Variants in ANK1 observed in about 807,000 individuals in gnomAD.
ANK1 encodes the protein ankyrin-1.
Under a neutral mutation model 210.4 loss-of-function variants are expected in ANK1, and 51 were observed. The ratio of observed to expected loss-of-function variants is 0.24; its 90% CI spans 0.19 to 0.31. The LOEUF is 0.31. Ranked by LOEUF, ANK1 falls within the 10% of genes least tolerant of loss-of-function variation. The pLI is 1.00. For synonymous variants in ANK1, 967 were observed against 1,025.9 expected, an observed-to-expected ratio of 0.94 and a Z score of 1.10; for missense variants, 2,051 against 2,504.4, an observed-to-expected ratio of 0.82 and a Z score of 3.86.
chr8:41,862,239 C>A (rs1166325630), intron 1 of ANK1, among the ~76,000 whole-genome samples: 1 of 152,172 alleles, frequency 6.6e-6, no homozygotes, highest in South Asian at 2.1e-4. Context: ...GCATTGCTAG[C>A]TGGGAGGCTG....
At chr8:41,877,211 C>T (rs943135252) in intron 1 of ANK1, among the ~76,000 whole-genome samples, 1 of 152,254 alleles carries the variant, frequency 6.6e-6, no homozygotes, top group Non-Finnish European at 1.5e-5. Context: ...CACCATCCCA[C>T]AGCGCAGGTG....
At chr8:41,744,579 C>G (rs1412624644) in intron 2 of ANK1, among the ~76,000 whole-genome samples, 3 of 149,522 alleles carry the variant, frequency 2.0e-5, no homozygotes, top group African/African-American at 7.4e-5. Flanking sequence ...CTCTATTGCC[C>G]AGGCTGGAGT....
At chr8:41,761,068 C>A (rs1328729054) in intron 1 of ANK1, among the ~76,000 whole-genome samples, 1 of 151,770 alleles carries the variant, frequency 6.6e-6, no homozygotes, top group Admixed American at 6.6e-5. Flanking sequence ...CTAGGCTGGC[C>A]CTAAATTCAA....
At position 41,867,134 on chromosome 8, in the gene ANK1, T is replaced by G. The variant is rs532466959; in HGVS notation, c.126+29221A>C. Among the ~76,000 whole-genome samples, 4 of 152,264 alleles carry G rather than the reference T, an allele frequency of 2.6e-5. No homozygotes were observed. The East Asian group carries it at 7.7e-4, about 29-fold the overall frequency. On this transcript the variant is annotated intron_variant, in intron 1 of 42. Transcript: ENST00000265709. ...CCAACGCTGGGAGAAGCAGCGAAGG[T>G]GCAAGTTGCTAGGACTCCAGTAGGA...
intron 1 of ANK1, among the ~76,000 whole-genome samples, chr8:41,791,833 C>T (rs907498561): frequency 1.2e-4 from 19 of 152,194 alleles, no homozygotes; most frequent in Non-Finnish European, 2.4e-4. Context: ...AGAGGCTCCC[C>T]GCTGCCTTCC....
chr8:41,826,528 G>A (rs942846428), intron 1 of ANK1, among the ~76,000 whole-genome samples: 5 of 152,066 alleles, frequency 3.3e-5, no homozygotes, highest in East Asian at 3.9e-4. Flanking sequence ...TGTGCTGAGC[G>A]TCCCACCGTC....
intron 2 of ANK1, among the ~76,000 whole-genome samples, chr8:41,736,598 C>T (rs543524711): frequency 8.5e-5 from 13 of 152,294 alleles, no homozygotes; most frequent in East Asian, 5.8e-4. Context: ...AGCCTTGCCT[C>T]GGTGCTGACG....
rs539360399 is a variant in ANK1, at chr8:41,744,756, C to T, written c.130-10687G>A. Among the ~76,000 whole-genome samples the T allele has an allele frequency of 5.3e-5, 8 of 152,216 alleles. No homozygotes were observed. The South Asian group carries it at 1.2e-3, about 24-fold the overall frequency. ...TTCACAGTGTTCACCAGGATGGTCT[C>T]GATCTCCTGACCTCGTGATCTGCCC... On this transcript the variant is annotated intron_variant, in intron 2 of 42. Transcript: ENST00000289734.
intron 14 of ANK1, 72 bp from the exon 15 acceptor site, chr8:41,715,146 A>C (rs1478851635): frequency 7.2e-7 from 1 of 1,383,502 alleles, no homozygotes; most frequent in Non-Finnish European, 1.0e-6. Flanking sequence ...CCCACAGCAA[A>C]GGAGGCTGCA....
chr8:41,722,477 G>A (rs1477046061), intron 9 of ANK1, among the ~76,000 whole-genome samples: 2 of 152,230 alleles, frequency 1.3e-5, no homozygotes, highest in African/African-American at 2.4e-5. Flanking sequence ...AATTCACGGG[G>A]CAGAGGGCCC....
intron 1 of ANK1, among the ~76,000 whole-genome samples, chr8:41,805,518 A>G (rs1850835131): frequency 6.6e-6 from 1 of 152,146 alleles, no homozygotes; most frequent in Non-Finnish European, 1.5e-5. Context: ...GAGTACTAAG[A>G]TTACAAGCAT....
upstream of ANK1, among the ~76,000 whole-genome samples, chr8:41,802,066 T>G (rs903007071): frequency 2.0e-5 from 3 of 152,212 alleles, no homozygotes; most frequent in Admixed American, 2.0e-4. Flanking sequence ...CTCAGCTCAC[T>G]GCAACCTCCG....
chr8:41,721,344 G>T lies in ANK1; in HGVS notation c.910-1486C>A, dbSNP rs370120968. 1.3e-4 allele frequency among the ~76,000 whole-genome samples: 20 copies of T among 152,240 alleles called. No individual in the cohort carries two copies. In the East Asian group the frequency reaches 3.9e-3, roughly 29 times the overall value. On this transcript the variant is annotated intron_variant, in intron 9 of 42. Transcript: ENST00000289734. ...GCTCGGGGAGAGACCTGGAAAAGAT[G>T]TTCCCTCACAGCCTCAGAAGGAATC...
At position 41,672,477 on chromosome 8, in the gene ANK1, T is replaced by C. The variant is rs767180876; in HGVS notation, c.4973A>G (p.Asp1658Gly). 7 of 1,614,240 alleles carry C rather than the reference T, an allele frequency of 4.3e-6. No individual in the cohort carries two copies. The East Asian group carries it at 1.6e-4, about 36-fold the overall frequency. Residue 1658 changes from aspartate to glycine, a missense_variant, in exon 38 of 43, where the codon GAC becomes GGC. Physicochemically the swap from Asp to Gly is moderately conservative, Grantham distance 94 (BLOSUM62 -1). Coordinates refer to ENST00000289734, the MANE Select transcript of ANK1 (RefSeq NM_000037.4). ...TGAGTCCTGCCCTGCACCTGTCGCG[T>C]CATCCTGCCTCTTAGAACCTGGCAG... Reference protein sequence around the residue: ...EKLPGSKRQDDATGAGQDSEN... With the variant: ...EKLPGSKRQDGATGAGQDSEN...
rs374679838 is a variant in ANK1 at position 41,844,380 on chromosome 8, C to T, written c.126+51975G>A. Reference sequence around the variant, plus strand: ...AAGTGGGCAGATGGGAACAGAGACCCTCTGTACCTCTCGGCCCAGGACAAA... The same window carrying T: ...AAGTGGGCAGATGGGAACAGAGACCTTCTGTACCTCTCGGCCCAGGACAAA... On this transcript the variant is annotated intron_variant, in intron 1 of 42. Coordinates refer to the ANK1 transcript ENST00000265709. 9.2e-5 allele frequency among the ~76,000 whole-genome samples: 14 copies of T among 152,306 alleles called. 1 individual carries two copies. In the East Asian group the frequency reaches 1.5e-3, roughly 17 times the overall value.
intron 1 of ANK1, among the ~76,000 whole-genome samples, chr8:41,776,362 G>T (rs1844040223): frequency 6.6e-6 from 1 of 152,140 alleles, no homozygotes; most frequent in Admixed American, 6.5e-5. Context: ...TAATGAGCGG[G>T]GATCTGTCCT....
intron 1 of ANK1, among the ~76,000 whole-genome samples, chr8:41,864,991 C>T (rs923779515): frequency 2.6e-5 from 4 of 152,334 alleles, no homozygotes; most frequent in Admixed American, 6.5e-5. Context: ...GCCACAAACA[C>T]GGCAACCCCT....
At chr8:41,869,374 T>G (rs938821567) in intron 1 of ANK1, among the ~76,000 whole-genome samples, 1 of 152,184 alleles carries the variant, frequency 6.6e-6, no homozygotes, top group Admixed American at 6.5e-5. Flanking sequence ...GAGATCTTAA[T>G]TCAGTCATTC....
At chr8:41,829,542 T>TA (rs1406217029) in intron 1 of ANK1, 4 of 152,360 alleles carry the variant, frequency 2.6e-5, no homozygotes, top group African/African-American at 7.2e-5. Context: ...ACTCACCGTG[T>TA]AAGACCTGGT....
Sources: allele counts gnomAD v4.1 joint callset (sites outside exome capture counted in the v4.1 genomes callset), GRCh38; gene constraint gnomAD v4.1.1; transcripts MANE v1.5; gene names NCBI Gene and HGNC (gene_info 2026-07-23, HGNC 2026-07-21).